The following LIMCH1 variants were observed in gnomAD, a reference collection of about 807,000 sequenced individuals.
LIMCH1 encodes LIM and calponin homology domains 1, also known as LIM and calponin homology domains-containing protein 1.
Under a neutral mutation model 176.5 loss-of-function variants are expected in LIMCH1, and 113 were observed. The observed-to-expected ratio is 0.64, with a 90% CI of 0.55 to 0.75. LIMCH1 has a LOEUF of 0.75. LIMCH1 is among the 30% of genes least tolerant of loss of function. The probability of loss-of-function intolerance (pLI) is 0.00; values close to 1 mark genes in which losing one functional copy is unlikely to be tolerated. For synonymous variants in LIMCH1, 619 were observed against 645.9 expected, an observed-to-expected ratio of 0.96 and a Z score of 0.63; for missense variants, 1,674 against 1,814.9, an observed-to-expected ratio of 0.92 and a Z score of 1.41.
chr4:41,437,780 T>C (rs1321956450), intron 1 of LIMCH1, among the ~76,000 whole-genome samples: 1 of 152,274 alleles, frequency 6.6e-6, no homozygotes, highest in Non-Finnish European at 1.5e-5. Flanking sequence ...GCATCTTCTT[T>C]TTTGTTTTTT....
At position 41,375,800 on chromosome 4, in the gene LIMCH1, C is replaced by T. The variant is rs527598767; in HGVS notation, c.96+14864C>T. 4.6e-5 allele frequency among the ~76,000 whole-genome samples: 7 copies of T among 152,280 alleles called. No individual in the cohort carries two copies. The East Asian group carries it at 5.8e-4, about 13-fold the overall frequency. On this transcript the variant is annotated intron_variant, in intron 1 of 26. Transcript: ENST00000313860. ...AGCTGGGTCCTACCCAGGGCGAGTA[C>T]GGGAAAGAGGAGTAAAAATAAAAAC...
intron 21 of LIMCH1, among the ~76,000 whole-genome samples, chr4:41,666,931 G>C (rs1274336685): frequency 1.3e-5 from 2 of 152,222 alleles, no homozygotes; most frequent in African/African-American, 4.8e-5. Flanking sequence ...ACAAGTGTTA[G>C]AGCTTTAAAA....
intron 5 of LIMCH1, among the ~76,000 whole-genome samples, chr4:41,614,457 G>A (rs1355455003): frequency 6.6e-6 from 1 of 152,168 alleles, no homozygotes; most frequent in Non-Finnish European, 1.5e-5. Flanking sequence ...GGAAAAACAT[G>A]AGGGCTAGTG....
intron 2 of LIMCH1, among the ~76,000 whole-genome samples, chr4:41,519,971 T>C (rs772922868): frequency 6.6e-6 from 1 of 152,222 alleles, no homozygotes; most frequent in Non-Finnish European, 1.5e-5. Context: ...TTCATCAAGC[T>C]GAATGTTGTA....
intron 4 of LIMCH1, chr4:41,613,122 T>C: frequency 1.3e-6 from 2 of 1,544,776 alleles, no homozygotes; most frequent in South Asian, 1.2e-5. Flanking sequence ...TTTTTCGTTT[T>C]TGTTTTGAAC....
chr4:41,461,886 T>C (rs573458642), intron 1 of LIMCH1, among the ~76,000 whole-genome samples: 15 of 152,306 alleles, frequency 9.8e-5, no homozygotes, highest in African/African-American at 3.6e-4. Context: ...CGTAATGAAA[T>C]GAGCATGTGC....
intron 2 of LIMCH1, among the ~76,000 whole-genome samples, chr4:41,511,301 T>G (rs943064103): frequency 2.0e-5 from 3 of 152,232 alleles, no homozygotes; most frequent in Non-Finnish European, 4.4e-5. Context: ...GTATTCCCTG[T>G]CCATTTCCAT....
intron 1 of LIMCH1, among the ~76,000 whole-genome samples, chr4:41,399,835 G>A (rs182219777): frequency 0.017 from 1,693 of 100,592 alleles, 39 homozygotes; most frequent in African/African-American, 0.084. Flanking sequence ...CACCATGCCC[G>A]GCTAATTTTT....
chr4:41,372,218 A>G (rs1440574818), intron 1 of LIMCH1, among the ~76,000 whole-genome samples: 1 of 152,106 alleles, frequency 6.6e-6, no homozygotes, highest in African/African-American at 2.4e-5. Flanking sequence ...TTTTTGTGTA[A>G]TCTTCCGTTT....
At chr4:41,695,326 GT>G (rs1313131941) in intron 31 of LIMCH1, among the ~76,000 whole-genome samples, 96 of 144,214 alleles carry the variant, frequency 6.7e-4, no homozygotes, top group Admixed American at 1.9e-3. Flanking sequence ...TTCTAGAATT[GT>G]TTTTTTTTTT....
chr4:41,695,323 A>G (rs954646307), intron 31 of LIMCH1, among the ~76,000 whole-genome samples: 2 of 151,138 alleles, frequency 1.3e-5, no homozygotes, highest in African/African-American at 4.8e-5. Context: ...TTCTTCTAGA[A>G]TTGTTTTTTT....
intron 1 of LIMCH1, among the ~76,000 whole-genome samples, chr4:41,590,104 CT>C (rs5857805): frequency 6.6e-6 from 1 of 151,232 alleles, no homozygotes; most frequent in Non-Finnish European, 1.5e-5. Context: ...ATTAATTGTT[CT>C]TTTTTTTGAG....
At chr4:41,563,675 A>C (rs756872294) in intron 1 of LIMCH1, among the ~76,000 whole-genome samples, 5 of 152,216 alleles carry the variant, frequency 3.3e-5, no homozygotes, top group Non-Finnish European at 7.3e-5. Context: ...CCCTCTACCC[A>C]TCCTGCAAAA....
At chr4:41,411,734 G>A (rs1178676767) in intron 1 of LIMCH1, among the ~76,000 whole-genome samples, 1 of 151,548 alleles carries the variant, frequency 6.6e-6, no homozygotes, top group East Asian at 1.9e-4. Context: ...GCCGGGGCGG[G>A]CAGATCATGA....
intron 7 of LIMCH1, among the ~76,000 whole-genome samples, chr4:41,624,722 T>G (rs973780098): frequency 6.6e-6 from 1 of 152,054 alleles, no homozygotes; most frequent in African/African-American, 2.4e-5. Flanking sequence ...TCTGACCTGG[T>G]TGCTTATGCA....
At chr4:41,695,626 T>C (rs1051438059) in intron 31 of LIMCH1, among the ~76,000 whole-genome samples, 1 of 152,142 alleles carries the variant, frequency 6.6e-6, no homozygotes, top group Admixed American at 6.5e-5. Context: ...TATTGGGTAA[T>C]AAGGGTCACC....
At chr4:41,394,798 G>A (rs1444490364) in intron 1 of LIMCH1, among the ~76,000 whole-genome samples, 7 of 152,170 alleles carry the variant, frequency 4.6e-5, no homozygotes, top group Non-Finnish European at 5.9e-5. Context: ...CTGAGTGCTT[G>A]GAGGCCTTGC....
intron 2 of LIMCH1, among the ~76,000 whole-genome samples, chr4:41,511,934 A>G (rs927093691): frequency 1.2e-4 from 19 of 152,360 alleles, no homozygotes; most frequent in South Asian, 2.1e-4. Flanking sequence ...TATCAAAATT[A>G]AAAACTTTTG....
chr4:41,368,293 T>A (rs1270263353), intron 1 of LIMCH1, among the ~76,000 whole-genome samples: 2 of 152,238 alleles, frequency 1.3e-5, no homozygotes, highest in African/African-American at 4.8e-5. Flanking sequence ...CAAAAATTAT[T>A]TCCTGAAAAG....
Sources: gnomAD v4.1 joint callset for allele counts (sites outside exome capture counted in the v4.1 genomes callset) on GRCh38, gnomAD v4.1.1 for gene constraint, MANE v1.5 for transcripts, NCBI Gene and HGNC (gene_info 2026-07-23, HGNC 2026-07-21) for gene names.